GALNT17: variants seen among roughly 807,000 people sequenced by gnomAD.
GALNT17 encodes UDP-GalNAc:polypeptide N-acetylgalactosaminyltransferase-like 3.
Under a neutral mutation model 63.7 loss-of-function variants are expected in GALNT17, and 29 were observed. That is an observed-to-expected ratio of 0.46 (90% CI 0.34 to 0.62). The LOEUF (loss-of-function observed/expected upper bound fraction) is 0.62. GALNT17 is among the 20% of genes least tolerant of loss of function. The pLI, the probability that GALNT17 is intolerant of heterozygous loss-of-function variation, is 0.01. For synonymous variants in GALNT17, 305 were observed against 318.3 expected (o/e 0.96, Z 0.45); for missense variants, 603 against 799.6 (o/e 0.75, Z 2.97).
At chr7:71,204,602 G>A (rs1376499621) in intron 1 of GALNT17, among the ~76,000 whole-genome samples, 1 of 142,744 alleles carries the variant, frequency 7.0e-6, no homozygotes, top group Non-Finnish European at 1.5e-5. Context: ...GTCTCACCCT[G>A]TTGCCCAGAC....
intron 1 of GALNT17, among the ~76,000 whole-genome samples, chr7:71,273,807 G>A (rs1385710440): frequency 6.6e-6 from 1 of 151,996 alleles, no homozygotes; most frequent in African/African-American, 2.4e-5. Context: ...ATACAATCAT[G>A]GCATTTCCAA....
intron 1 of GALNT17, among the ~76,000 whole-genome samples, chr7:71,204,170 T>C (rs935097246): frequency 6.6e-6 from 1 of 152,186 alleles, no homozygotes; most frequent in African/African-American, 2.4e-5. Flanking sequence ...CCTTATTCAT[T>C]GTGTGTTCTT....
chr7:71,366,726 C>G (rs1195670481), intron 2 of GALNT17, among the ~76,000 whole-genome samples: 1 of 152,160 alleles, frequency 6.6e-6, no homozygotes, highest in East Asian at 1.9e-4. Context: ...CATTTTTAAT[C>G]TTGAAAGATT....
chr7:71,558,817 G>A (rs1562690549), intron 5 of GALNT17, among the ~76,000 whole-genome samples: 1 of 152,116 alleles, frequency 6.6e-6, no homozygotes. Flanking sequence ...GTTTCGATGT[G>A]GATCTTTGTT....
At chr7:71,488,887 T>C (rs1165888789) in intron 5 of GALNT17, among the ~76,000 whole-genome samples, 36 of 86,118 alleles carry the variant, frequency 4.2e-4, no homozygotes, top group African/African-American at 1.4e-3. Context: ...CAGCCAGGTT[T>C]CCTTTTTTTT....
intron 6 of GALNT17, among the ~76,000 whole-genome samples, chr7:71,631,842 T>C (rs945384631): frequency 2.0e-5 from 3 of 152,180 alleles, no homozygotes; most frequent in African/African-American, 7.2e-5. Context: ...ATATTAATTC[T>C]GCACGTGTCT....
At chr7:71,303,625 A>C (rs11973091) in intron 1 of GALNT17, among the ~76,000 whole-genome samples, 2,923 of 152,200 alleles carry the variant, frequency 0.019, 80 homozygotes, top group African/African-American at 0.065. Flanking sequence ...TACAGTGATT[A>C]CTAATACTCA....
chr7:71,302,528 G>A (rs1225096251), intron 1 of GALNT17, among the ~76,000 whole-genome samples: 1 of 151,686 alleles, frequency 6.6e-6, no homozygotes, highest in African/African-American at 2.4e-5. Flanking sequence ...CATGTGCAGG[G>A]CCATGTGCAC....
intron 1 of GALNT17, among the ~76,000 whole-genome samples, chr7:71,291,708 A>T (rs1272491649): frequency 6.6e-6 from 1 of 152,204 alleles, no homozygotes; most frequent in Non-Finnish European, 1.5e-5. Flanking sequence ...CTGGATCTAT[A>T]TACTAATTTT....
chr7:71,670,152 A>G (rs763776516), intron 8 of GALNT17, 43 bp downstream of exon 8: 1 of 1,612,904 alleles, frequency 6.2e-7, no homozygotes, highest in Non-Finnish European at 8.5e-7. Flanking sequence ...ATGCTGTTCA[A>G]TATGCTGTGG....
chr7:71,516,083 G>A (rs1788440436), intron 5 of GALNT17, among the ~76,000 whole-genome samples: 1 of 152,160 alleles, frequency 6.6e-6, no homozygotes, highest in African/African-American at 2.4e-5. Flanking sequence ...GGTAGAGGAA[G>A]AAGTGAGATA....
intron 1 of GALNT17, among the ~76,000 whole-genome samples, chr7:71,143,144 G>A (rs956626994): frequency 2.2e-4 from 33 of 151,888 alleles, no homozygotes; most frequent in African/African-American, 2.2e-4. Context: ...GCTCTTGGCC[G>A]AGTGCAGTGG....
intron 6 of GALNT17, among the ~76,000 whole-genome samples, chr7:71,623,754 C>A (rs1406777769): frequency 6.6e-6 from 1 of 152,162 alleles, no homozygotes; most frequent in Non-Finnish European, 1.5e-5. Flanking sequence ...AGTTTTGTTT[C>A]TCCTGGCATG....
chr7:71,323,870 G>T (rs573855617), intron 1 of GALNT17, among the ~76,000 whole-genome samples: 1 of 152,212 alleles, frequency 6.6e-6, no homozygotes, highest in Non-Finnish European at 1.5e-5. Flanking sequence ...GTTCACAAGA[G>T]ACCAGTGCTC....
chr7:71,395,041 G>A (rs1793113660), intron 3 of GALNT17, among the ~76,000 whole-genome samples: 1 of 152,138 alleles, frequency 6.6e-6, no homozygotes, highest in African/African-American at 2.4e-5. Flanking sequence ...GGCGGAAGTT[G>A]CATTGAGCCG....
intron 5 of GALNT17, among the ~76,000 whole-genome samples, chr7:71,550,516 G>C (rs562653475): frequency 1.2e-4 from 19 of 152,220 alleles, no homozygotes; most frequent in Admixed American, 8.5e-4. Context: ...GAGTAGCTGG[G>C]ACTACAGGCC....
At chr7:71,575,054 G>C (rs1789513533) in intron 6 of GALNT17, among the ~76,000 whole-genome samples, 1 of 152,102 alleles carries the variant, frequency 6.6e-6, no homozygotes, top group Admixed American at 6.5e-5. Flanking sequence ...TCTCGACCAG[G>C]TGACTACAGG....
chr7:71,364,826 T>A (rs1468920000), intron 2 of GALNT17, among the ~76,000 whole-genome samples: 1 of 152,208 alleles, frequency 6.6e-6, no homozygotes, highest in African/African-American at 2.4e-5. Flanking sequence ...ACTCATTTGC[T>A]GGGGCTGAAT....
chr7:71,458,081 A>G (rs1385097224), intron 5 of GALNT17, among the ~76,000 whole-genome samples: 1 of 152,056 alleles, frequency 6.6e-6, no homozygotes, highest in African/African-American at 2.4e-5. Flanking sequence ...GACAGCCACA[A>G]GCAGAGATCT....
Sources: allele counts gnomAD v4.1 joint callset (sites outside exome capture counted in the v4.1 genomes callset), GRCh38; gene constraint gnomAD v4.1.1; transcripts MANE v1.5; gene names NCBI Gene and HGNC (gene_info 2026-07-23, HGNC 2026-07-21).